The following FGF18 variants were observed in gnomAD, a reference collection of about 807,000 sequenced individuals.
FGF18 encodes the protein fibroblast growth factor 18.
FGF18 carries 5 observed loss-of-function variants against 23.0 expected under a neutral mutation model. That is an observed-to-expected ratio of 0.22 (90% CI 0.11 to 0.46). The LOEUF (loss-of-function observed/expected upper bound fraction) is 0.46. Ranked by LOEUF, FGF18 falls within the 20% of genes least tolerant of loss-of-function variation. The pLI, the probability that FGF18 is intolerant of heterozygous loss-of-function variation, is 0.99. For missense variants in FGF18, 180 were observed against 291.6 expected (o/e 0.62, Z 2.79); for synonymous variants, 117 against 118.9 (o/e 0.98, Z 0.10).
At chr5:171,447,551 T>C (rs2113358530) in intron 3 of FGF18, among the ~76,000 whole-genome samples, 1 of 152,342 alleles carries the variant, frequency 6.6e-6, no homozygotes, top group East Asian at 1.9e-4. Flanking sequence ...TCTTGTTAGA[T>C]CTTTAAATTT....
intron 2 of FGF18, among the ~76,000 whole-genome samples, chr5:171,435,245 G>A (rs966745056): frequency 2.0e-5 from 3 of 152,178 alleles, no homozygotes; most frequent in African/African-American, 2.4e-5. Flanking sequence ...GGGAAGCCCC[G>A]GAGAGTGTGG....
rs551611494 is a variant in FGF18 at position 171,446,829 on chromosome 5, G to A, written c.251-2318G>A. 3.4e-4 allele frequency among the ~76,000 whole-genome samples: 52 copies of A among 152,154 alleles called. 2 individuals are homozygous for A. The South Asian group carries it at 8.7e-3, about 26-fold the overall frequency. On this transcript the variant is annotated intron_variant, in intron 3 of 4. Coordinates refer to ENST00000274625, the MANE Select transcript of FGF18 (RefSeq NM_003862.3). ...GCAATGCCAGAATGAAACTAGACCC[G>A]GTGAGCCCCAGCCCCAGGCATTTTC... is the stretch of plus-strand genomic sequence containing the variant.
At position 171,457,026 on chromosome 5, in the gene FGF18, A is replaced by T. The variant is rs1772595696; in HGVS notation, c.*221A>T. 9 of 579,566 alleles carry T rather than the reference A, an allele frequency of 1.6e-5. No homozygotes were observed. The highest frequency in any genetic ancestry group is 4.6e-4 in the Middle Eastern group (1 of 2,172). 35.9% of individuals were successfully genotyped at this position (579,566 alleles called of 1,614,324 possible). A position where few individuals can be genotyped will look rare whatever the true frequency, so the allele number is the denominator to read the frequency against. ...GATGACAAAAGACTCACGCAAAGGG[A>T]CTGTAGTCAACCCACAGGTGCTTGT... On this transcript the variant is annotated 3_prime_UTR_variant, in exon 5 of 5. Coordinates refer to ENST00000274625, the MANE Select transcript of FGF18 (RefSeq NM_003862.3).
At chr5:171,423,697 C>T (rs774306145) in intron 2 of FGF18, among the ~76,000 whole-genome samples, 1 of 151,692 alleles carries the variant, frequency 6.6e-6, no homozygotes, top group Non-Finnish European at 1.5e-5. Flanking sequence ...TTTCTTTAAG[C>T]TGGTTAGGAT....
At chr5:171,452,642 T>TC (rs1454702116) in intron 4 of FGF18, among the ~76,000 whole-genome samples, 5 of 152,112 alleles carry the variant, frequency 3.3e-5, no homozygotes, top group Non-Finnish European at 7.4e-5. Flanking sequence ...GGCATTTTTT[T>TC]CCCCATCTCT....
chr5:171,444,239 C>T (rs1175349149), intron 3 of FGF18, among the ~76,000 whole-genome samples: 1 of 152,130 alleles, frequency 6.6e-6, no homozygotes, highest in Non-Finnish European at 1.5e-5. Context: ...CACTCACTCG[C>T]TCCCCAGGAA....
intron 2 of FGF18, among the ~76,000 whole-genome samples, chr5:171,428,265 G>A (rs1772126994): frequency 6.6e-6 from 1 of 152,140 alleles, no homozygotes; most frequent in Non-Finnish European, 1.5e-5. Context: ...GGTTCTCTGG[G>A]GACCGGGATC....
At chr5:171,443,440 TAACA>T in intron 3 of FGF18, among the ~76,000 whole-genome samples, 1 of 150,526 alleles carries the variant, frequency 6.6e-6, no homozygotes, top group Admixed American at 6.6e-5. Context: ...TTCACACTCT[TAACA>T]TCTTAACATT....
chr5:171,441,214 G>A (rs1772338477), intron 3 of FGF18, among the ~76,000 whole-genome samples: 1 of 152,144 alleles, frequency 6.6e-6, no homozygotes, highest in Non-Finnish European at 1.5e-5. Flanking sequence ...TGACGTAGCA[G>A]GGACCCCTAG....
At chr5:171,448,806 C>T (rs182314987) in intron 3 of FGF18, among the ~76,000 whole-genome samples, 17 of 152,042 alleles carry the variant, frequency 1.1e-4, no homozygotes, top group East Asian at 9.7e-4. Context: ...AGGTGGGTGA[C>T]GATGGGTAGA....
rs185929265 is a variant in FGF18, at chr5:171,422,700, G to A, written c.69+2257G>A. The stretch of plus-strand genomic sequence containing the variant: ...TGATGTTAACTGCCAGGAATCTGGG[G>A]CCTGCTCCCTGCTGAGGTTTGGGTA... On this transcript the variant is annotated intron_variant, in intron 2 of 4. Transcript: ENST00000274625. 2.6e-5 allele frequency among the ~76,000 whole-genome samples: 4 copies of A among 152,304 alleles called. 1 individual carries two copies.
At chr5:171,442,581 G>A (rs888282345) in intron 3 of FGF18, among the ~76,000 whole-genome samples, 2 of 152,212 alleles carry the variant, frequency 1.3e-5, no homozygotes, top group African/African-American at 2.4e-5. Context: ...CTGCTCTTGC[G>A]GGTCTTGGGG....
chr5:171,441,202 G>A (rs1043697427), intron 3 of FGF18, among the ~76,000 whole-genome samples: 13 of 152,176 alleles, frequency 8.5e-5, no homozygotes, highest in African/African-American at 2.9e-4. Context: ...TGGTTGAGTG[G>A]CTGACGTAGC....
chr5:171,454,926 C>G (rs1356843470), intron 4 of FGF18, among the ~76,000 whole-genome samples: 1 of 152,262 alleles, frequency 6.6e-6, no homozygotes, highest in Non-Finnish European at 1.5e-5. Context: ...CCTCACCACC[C>G]CCTGTCCAGA....
rs1194366010 is a variant in FGF18, at chr5:171,456,703, C to T, written c.522C>T (p.Phe174=). Reference sequence around the variant, plus strand: ...GGGAGAACCAGCAGGACGTGCATTTCATGAAGCGCTACCCCAAGGGGCAGC... The same window carrying T: ...GGGAGAACCAGCAGGACGTGCATTTTATGAAGCGCTACCCCAAGGGGCAGC... The part of the protein sequence containing the change: ...KTRENQQDVH[F]MKRYPKGQPE... The change falls in exon 5 of 5, where the codon TTC becomes TTT. Residue 174 remains phenylalanine, a synonymous_variant. Coordinates refer to ENST00000274625, the MANE Select transcript of FGF18 (RefSeq NM_003862.3). The surrounding 1 kb of genome is among the most constrained non-coding windows in gnomAD (Gnocchi z 6.1). 1 of 1,614,030 alleles carries T rather than the reference C, an allele frequency of 6.2e-7. No individual in the cohort carries two copies. Among genetic ancestry groups the T allele is most frequent in the Non-Finnish European group, 8.5e-7 (1 of 1,180,008 alleles).
At chr5:171,450,119 G>A in intron 4 of FGF18, among the ~76,000 whole-genome samples, 1 of 151,692 alleles carries the variant, frequency 6.6e-6, no homozygotes, top group East Asian at 1.9e-4. Flanking sequence ...GTGGGGTGGA[G>A]GGTAGGCCTG....
chr5:171,454,267 G>A (rs1414516937), intron 4 of FGF18, among the ~76,000 whole-genome samples: 1 of 152,208 alleles, frequency 6.6e-6, no homozygotes, highest in South Asian at 2.1e-4. Context: ...TTTCCAGGCA[G>A]TGGCAGGTAT....
intron 2 of FGF18, among the ~76,000 whole-genome samples, chr5:171,424,869 AG>A (rs1473672018): frequency 4.2e-5 from 1 of 23,620 alleles, no homozygotes; most frequent in African/African-American, 1.6e-4. Context: ...GGGGGAGGGG[AG>A]GGGGCGGGGC....
At chr5:171,446,957 C>T (rs945065620) in intron 3 of FGF18, among the ~76,000 whole-genome samples, 1 of 152,014 alleles carries the variant, frequency 6.6e-6, no homozygotes, top group African/African-American at 2.4e-5. Flanking sequence ...CTCCTCCACC[C>T]TTGCAGACAC....
Sources: allele counts gnomAD v4.1 joint callset (sites outside exome capture counted in the v4.1 genomes callset), GRCh38; gene constraint gnomAD v4.1.1; non-coding constraint Gnocchi (gnomAD v3.1); transcripts MANE v1.5; gene names NCBI Gene and HGNC (gene_info 2026-07-23, HGNC 2026-07-21).